SDK1: variants seen among roughly 807,000 people sequenced by gnomAD.
SDK1 encodes the protein protein sidekick-1.
In SDK1, 157 loss-of-function variants were observed where a neutral mutation model predicts 245.5. The ratio of observed to expected loss-of-function variants is 0.64; its 90% CI spans 0.56 to 0.73. The LOEUF is 0.73. Ranked by LOEUF, SDK1 falls within the 30% of genes least tolerant of loss-of-function variation. SDK1 has a pLI of 0.00. For missense variants in SDK1, 3,583 were observed against 3,002.3 expected (o/e 1.19, Z -4.52); for synonymous variants, 1,647 against 1,278.5 (o/e 1.29, Z -6.15).
chr7:4,135,853 C>A (rs665060), intron 28 of SDK1, among the ~76,000 whole-genome samples: 12,320 of 152,308 alleles, frequency 0.081, 586 homozygotes, highest in Non-Finnish European at 0.1. Flanking sequence ...TTGAGAGCTC[C>A]TCCTAGACCA....
chr7:3,431,946 G>A (rs1217932873), intron 1 of SDK1, among the ~76,000 whole-genome samples: 3 of 151,604 alleles, frequency 2.0e-5, no homozygotes, highest in African/African-American at 7.3e-5. Context: ...CTTTTCTCAG[G>A]GGTGTTTAAA....
intron 1 of SDK1, among the ~76,000 whole-genome samples, chr7:3,578,777 T>C (rs1363979229): frequency 6.6e-6 from 1 of 151,862 alleles, no homozygotes; most frequent in East Asian, 1.9e-4. Flanking sequence ...TCAGACCTTA[T>C]GGTTGTCTTC....
At chr7:3,992,892 T>G (rs1387520769) in intron 14 of SDK1, among the ~76,000 whole-genome samples, 1 of 152,208 alleles carries the variant, frequency 6.6e-6, no homozygotes, top group Non-Finnish European at 1.5e-5. Flanking sequence ...AATGCAAATT[T>G]TATCCTGTAG....
chr7:3,411,273 A>G (rs1225824477), intron 1 of SDK1, among the ~76,000 whole-genome samples: 2 of 152,192 alleles, frequency 1.3e-5, no homozygotes, highest in Admixed American at 1.3e-4. Flanking sequence ...GATGCTATCA[A>G]GTGCTGCATG....
chr7:3,436,192 T>C (rs376841111), intron 1 of SDK1, among the ~76,000 whole-genome samples: 1 of 152,176 alleles, frequency 6.6e-6, no homozygotes, highest in Non-Finnish European at 1.5e-5. Flanking sequence ...TAAGCTGACA[T>C]TTGATGGACT....
At chr7:3,780,170 C>T (rs939416536) in intron 4 of SDK1, among the ~76,000 whole-genome samples, 1 of 152,194 alleles carries the variant, frequency 6.6e-6, no homozygotes, top group Non-Finnish European at 1.5e-5. Context: ...AGAATGGTCT[C>T]ACTCTGACCA....
chr7:4,173,534 C>T (rs991174840), intron 32 of SDK1, among the ~76,000 whole-genome samples: 1 of 152,192 alleles, frequency 6.6e-6, no homozygotes, highest in African/African-American at 2.4e-5. Context: ...TGCCTGTGCT[C>T]CCTATTCCAT....
At chr7:3,980,719 A>G (rs1029158456) in intron 13 of SDK1, among the ~76,000 whole-genome samples, 2 of 152,328 alleles carry the variant, frequency 1.3e-5, no homozygotes, top group Non-Finnish European at 2.9e-5. Flanking sequence ...CGAGGCAGGT[A>G]GATCACGAGG....
At chr7:3,728,089 G>C (rs545324371) in intron 4 of SDK1, among the ~76,000 whole-genome samples, 1 of 152,318 alleles carries the variant, frequency 6.6e-6, no homozygotes, top group African/African-American at 2.4e-5. Flanking sequence ...CTGATGATGA[G>C]TTTGAGGAGG....
chr7:3,660,101 C>T (rs1783306919), intron 4 of SDK1, among the ~76,000 whole-genome samples: 1 of 151,938 alleles, frequency 6.6e-6, no homozygotes, highest in Admixed American at 6.6e-5. Context: ...ATATTGGGGA[C>T]AATTTGTATG....
chr7:3,330,618 C>T (rs967464450), intron 1 of SDK1, among the ~76,000 whole-genome samples: 4 of 152,076 alleles, frequency 2.6e-5, no homozygotes, highest in African/African-American at 9.7e-5. Flanking sequence ...GATGCCAGTG[C>T]CATGGTCTTG....
chr7:3,596,783 G>A (rs1781081864), intron 1 of SDK1, among the ~76,000 whole-genome samples: 1 of 152,172 alleles, frequency 6.6e-6, no homozygotes, highest in African/African-American at 2.4e-5. Context: ...GAAGCCCCCA[G>A]GCTAGCCTAA....
At chr7:3,752,677 C>A (rs1779807417) in intron 4 of SDK1, among the ~76,000 whole-genome samples, 1 of 152,130 alleles carries the variant, frequency 6.6e-6, no homozygotes, top group Non-Finnish European at 1.5e-5. Flanking sequence ...CATCCTCTAA[C>A]CCTCAATTCT....
intron 4 of SDK1, among the ~76,000 whole-genome samples, chr7:3,784,487 A>T (rs1038742263): frequency 6.6e-6 from 1 of 152,098 alleles, no homozygotes; most frequent in African/African-American, 2.4e-5. Flanking sequence ...TCCAAAATAT[A>T]TAAGAAGCTC....
intron 4 of SDK1, among the ~76,000 whole-genome samples, chr7:3,731,114 T>C (rs1779163362): frequency 1.3e-5 from 2 of 152,166 alleles, no homozygotes; most frequent in South Asian, 4.1e-4. Context: ...GCTAGGTGTT[T>C]CTGCTAGTCT....
At chr7:3,977,658 G>C (rs988920652) in intron 13 of SDK1, among the ~76,000 whole-genome samples, 4 of 152,224 alleles carry the variant, frequency 2.6e-5, no homozygotes, top group Non-Finnish European at 4.4e-5. Context: ...TTACCAGGAT[G>C]CTGCCTGCAG....
chr7:4,099,231 C>G (rs952440154), intron 22 of SDK1, among the ~76,000 whole-genome samples: 2 of 151,534 alleles, frequency 1.3e-5, no homozygotes, highest in Non-Finnish European at 2.9e-5. Flanking sequence ...AAGTATAGAT[C>G]TTATTTTTAT....
At chr7:4,075,560 T>C (rs1439341664) in intron 20 of SDK1, among the ~76,000 whole-genome samples, 1 of 152,072 alleles carries the variant, frequency 6.6e-6, no homozygotes, top group Admixed American at 6.6e-5. Flanking sequence ...CACCACTGTC[T>C]CCCTCTTTAA....
At chr7:3,686,319 A>C (rs1471631980) in intron 4 of SDK1, among the ~76,000 whole-genome samples, 1 of 152,160 alleles carries the variant, frequency 6.6e-6, no homozygotes, top group African/African-American at 2.4e-5. Flanking sequence ...CGGGTGATCC[A>C]CCTGCCTTGG....
Sources: allele counts gnomAD v4.1 joint callset (sites outside exome capture counted in the v4.1 genomes callset), GRCh38; gene constraint gnomAD v4.1.1; transcripts MANE v1.5; gene names NCBI Gene and HGNC (gene_info 2026-07-23, HGNC 2026-07-21).